Variants in ADK observed in about 807,000 individuals in gnomAD.
ADK encodes N6,N6-dimethyladenosine kinase.
ADK carries 24 observed loss-of-function variants against 44.7 expected under a neutral mutation model. The ratio of observed to expected loss-of-function variants is 0.54; its 90% CI spans 0.39 to 0.76. The LOEUF is 0.76. ADK is among the 30% of genes least tolerant of loss of function. The pLI is 0.00. For missense variants in ADK, 321 were observed against 425.1 expected, an observed-to-expected ratio of 0.76 and a Z score of 2.15; for synonymous variants, 128 against 142.6, an observed-to-expected ratio of 0.90 and a Z score of 0.73.
At chr10:74,505,016 G>A (rs1415454685) in intron 6 of ADK, among the ~76,000 whole-genome samples, 1 of 152,006 alleles carries the variant, frequency 6.6e-6, no homozygotes, top group Admixed American at 6.6e-5. Flanking sequence ...CTTCATCCTA[G>A]TAGTCTTCAC....
chr10:74,677,120 C>CTG (rs1405931574), intron 10 of ADK, among the ~76,000 whole-genome samples: 1 of 152,118 alleles, frequency 6.6e-6, no homozygotes, highest in Non-Finnish European at 1.5e-5. Flanking sequence ...TGGCATAAGC[C>CTG]TGTGGTTCCA....
At chr10:74,568,917 C>T (rs1168839167) in intron 7 of ADK, among the ~76,000 whole-genome samples, 1 of 122,560 alleles carries the variant, frequency 8.2e-6, no homozygotes, top group Non-Finnish European at 1.7e-5. Context: ...CAAATGCTAT[C>T]CCTCCCCCCT....
chr10:74,256,108 G>A (rs1845814162), intron 3 of ADK, among the ~76,000 whole-genome samples: 1 of 152,160 alleles, frequency 6.6e-6, no homozygotes, highest in Admixed American at 6.5e-5. Flanking sequence ...AAGTGGAGGT[G>A]GCAGAGAAAG....
chr10:74,274,751 C>CATTATATATATATATATATAT (rs1846602071), intron 3 of ADK, among the ~76,000 whole-genome samples: 1 of 105,622 alleles, frequency 9.5e-6, no homozygotes, highest in Non-Finnish European at 1.9e-5. Flanking sequence ...TATATATACA[C>CATTATATATATATATATATAT]ACACACATTA....
intron 7 of ADK, among the ~76,000 whole-genome samples, chr10:74,531,251 C>A (rs1000654203): frequency 6.6e-6 from 1 of 152,086 alleles, no homozygotes; most frequent in African/African-American, 2.4e-5. Context: ...TCGTAATTCA[C>A]GAGGCTTCAA....
At chr10:74,565,979 A>G (rs570206073) in intron 7 of ADK, among the ~76,000 whole-genome samples, 1 of 152,086 alleles carries the variant, frequency 6.6e-6, no homozygotes, top group African/African-American at 2.4e-5. Context: ...CTGCTGAAAT[A>G]ATTTCTGACT....
intron 6 of ADK, among the ~76,000 whole-genome samples, chr10:74,518,251 A>G (rs543157217): frequency 6.6e-6 from 1 of 152,260 alleles, no homozygotes; most frequent in Non-Finnish European, 1.5e-5. Flanking sequence ...ACAGTGATAC[A>G]TCTTGAGACA....
intron 4 of ADK, among the ~76,000 whole-genome samples, chr10:74,391,459 ATTCT>A (rs1843324205): frequency 6.6e-6 from 1 of 151,840 alleles, no homozygotes; most frequent in South Asian, 2.1e-4. Context: ...TTTCTAGTTT[ATTCT>A]TTCTGTGTTT....
intron 4 of ADK, among the ~76,000 whole-genome samples, chr10:74,337,013 T>C (rs1466349079): frequency 2.0e-5 from 3 of 152,210 alleles, no homozygotes; most frequent in African/African-American, 7.2e-5. Context: ...ATATGTCTTA[T>C]TTATTGTCAC....
intron 4 of ADK, chr10:74,372,499 C>T (rs1009738731): frequency 5.7e-5 from 23 of 405,798 alleles, no homozygotes; most frequent in Admixed American, 1.5e-4. Context: ...AAAAGTAATG[C>T]ATTCAGCAAG....
At chr10:74,626,022 T>C (rs1853189590) in intron 9 of ADK, among the ~76,000 whole-genome samples, 1 of 152,222 alleles carries the variant, frequency 6.6e-6, no homozygotes, top group Admixed American at 6.5e-5. Flanking sequence ...ATAAATCAAC[T>C]AGTGTAGTTG....
chr10:74,649,617 T>C (rs748364252), intron 9 of ADK, among the ~76,000 whole-genome samples: 7 of 151,470 alleles, frequency 4.6e-5, no homozygotes, highest in Non-Finnish European at 1.0e-4. Flanking sequence ...AGAGTGAGAC[T>C]CTATATCAAA....
intron 10 of ADK, among the ~76,000 whole-genome samples, chr10:74,696,458 C>T (rs1025736924): frequency 2.6e-5 from 4 of 151,750 alleles, no homozygotes; most frequent in African/African-American, 4.8e-5. Context: ...CTCCACCTCC[C>T]GAGTTCATGC....
intron 6 of ADK, among the ~76,000 whole-genome samples, chr10:74,405,874 C>A (rs1413057205): frequency 6.6e-6 from 1 of 151,338 alleles, no homozygotes; most frequent in Non-Finnish European, 1.5e-5. Flanking sequence ...TTTTTTTTTC[C>A]TCTTAATACT....
intron 3 of ADK, among the ~76,000 whole-genome samples, chr10:74,240,067 T>TA (rs1361368742): frequency 1.7e-4 from 26 of 151,552 alleles, no homozygotes; most frequent in Admixed American, 1.4e-3. Flanking sequence ...CAGGCTGGAG[T>TA]ATAGTGGCAC....
rs972059826 is a variant in ADK, at chr10:74,596,720, A to AT, written c.763-3652dup. Among the ~76,000 whole-genome samples the AT allele has an allele frequency of 5.3e-5, 8 of 151,858 alleles. No homozygotes were observed. The East Asian group carries it at 5.8e-4, about 11-fold the overall frequency. ...GCCACCACACCTAGCAAATTTTTGTATTTTTTTGTAGAGATGAAGTTTTAC... is the reference window on the plus strand; with the variant it reads ...GCCACCACACCTAGCAAATTTTTGTATTTTTTTTGTAGAGATGAAGTTTTAC... On this transcript the variant is annotated intron_variant, in intron 8 of 10. Coordinates refer to ENST00000539909, the MANE Select transcript of ADK (RefSeq NM_006721.4).
At chr10:74,381,995 T>C (rs1842988069) in intron 4 of ADK, among the ~76,000 whole-genome samples, 1 of 152,202 alleles carries the variant, frequency 6.6e-6, no homozygotes, top group South Asian at 2.1e-4. Flanking sequence ...TTGGCATGCT[T>C]CTCTGTGGAT....
At chr10:74,440,035 A>G (rs1261326468) in intron 6 of ADK, among the ~76,000 whole-genome samples, 2 of 152,046 alleles carry the variant, frequency 1.3e-5, no homozygotes, top group Non-Finnish European at 2.9e-5. Flanking sequence ...TATATAGTAC[A>G]TACAAATAAT....
At chr10:74,500,851 A>G (rs1847865018) in intron 6 of ADK, among the ~76,000 whole-genome samples, 1 of 152,194 alleles carries the variant, frequency 6.6e-6, no homozygotes, top group African/African-American at 2.4e-5. Flanking sequence ...TGCTTCAGCA[A>G]TAAAGAAATT....
Sources: gnomAD v4.1 joint callset for allele counts (sites outside exome capture counted in the v4.1 genomes callset) on GRCh38, gnomAD v4.1.1 for gene constraint, MANE v1.5 for transcripts, NCBI Gene and HGNC (gene_info 2026-07-23, HGNC 2026-07-21) for gene names.